The following COL4A1 variants were observed in gnomAD, a reference collection of about 807,000 sequenced individuals.
COL4A1 encodes collagen type IV alpha 1 chain.
COL4A1 carries 40 observed loss-of-function variants against 216.6 expected under a neutral mutation model. The ratio of observed to expected loss-of-function variants is 0.18; its 90% CI spans 0.14 to 0.24. The LOEUF (loss-of-function observed/expected upper bound fraction) is 0.24, where lower values mean the gene tolerates loss of function less well. COL4A1 is among the 10% of genes least tolerant of loss of function. The pLI is 1.00. For synonymous variants in COL4A1, 839 were observed against 810.7 expected (o/e 1.03, Z -0.59); for missense variants, 1,628 against 2,196.8 (o/e 0.74, Z 5.18).
intron 46 of COL4A1, among the ~76,000 whole-genome samples, 166 bp from the exon 47 acceptor site, chr13:110,163,727 T>C (rs1432651228): frequency 6.8e-6 from 1 of 147,394 alleles, no homozygotes; most frequent in Non-Finnish European, 1.5e-5. Flanking sequence ...CAAAGTCGAG[T>C]ACAGACTTTG....
intron 2 of COL4A1, among the ~76,000 whole-genome samples, chr13:110,239,374 G>A (rs1009701555): frequency 1.3e-5 from 2 of 152,150 alleles, no homozygotes; most frequent in African/African-American, 2.4e-5. Context: ...GTGTCAAAGT[G>A]CTCCTCAAAG....
At position 110,150,556 on chromosome 13, in the gene COL4A1, C is replaced by T. The variant is rs566494129; in HGVS notation, c.4929-112G>A. 1.7e-5 allele frequency: 18 copies of T among 1,080,514 alleles called. 1 individual carries two copies. In the East Asian group the frequency reaches 4.1e-4, roughly 25 times the overall value. 66.9% of individuals were successfully genotyped at this position (1,080,514 alleles called of 1,614,324 possible). On this transcript the variant is annotated intron_variant, in intron 51 of 51. Coordinates refer to ENST00000375820, the MANE Select transcript of COL4A1 (RefSeq NM_001845.6). ...AAGGGATCAGCCCAGCCCCTGGCAT[C>T]AGGCCTCAACCTGGTACCACCCAGT...
chr13:110,230,673 C>T (rs1306741596), intron 2 of COL4A1, among the ~76,000 whole-genome samples: 1 of 152,228 alleles, frequency 6.6e-6, no homozygotes, highest in African/African-American at 2.4e-5. Flanking sequence ...AAGAAGAAAA[C>T]ACCACTCTGC....
chr13:110,271,882 T>A (rs979494143), intron 1 of COL4A1, among the ~76,000 whole-genome samples: 7 of 152,254 alleles, frequency 4.6e-5, no homozygotes, highest in African/African-American at 1.4e-4. Flanking sequence ...TTTGGAACTT[T>A]TTTCTAAGTC....
At chr13:110,195,890 G>A (rs553347932) in intron 21 of COL4A1, among the ~76,000 whole-genome samples, 8 of 152,280 alleles carry the variant, frequency 5.3e-5, no homozygotes, top group Admixed American at 2.0e-4. Flanking sequence ...CCCTTACAGG[G>A]TCTTCACCTA....
chr13:110,229,401 T>A (rs1047155222), intron 2 of COL4A1, among the ~76,000 whole-genome samples: 3 of 152,202 alleles, frequency 2.0e-5, no homozygotes, highest in South Asian at 2.1e-4. Flanking sequence ...ACTTTAAATC[T>A]GAATGACTCG....
intron 33 of COL4A1, among the ~76,000 whole-genome samples, chr13:110,177,377 C>G (rs372287118): frequency 6.6e-6 from 1 of 152,136 alleles, no homozygotes; most frequent in Non-Finnish European, 1.5e-5. Flanking sequence ...AATAATAGAA[C>G]AGGAATTTTA....
chr13:110,158,824 C>T (rs1876926158), intron 49 of COL4A1, among the ~76,000 whole-genome samples: 1 of 150,672 alleles, frequency 6.6e-6, no homozygotes, highest in South Asian at 2.1e-4. Flanking sequence ...CTCACTGCAA[C>T]CTCCGCCTGC....
intron 21 of COL4A1, 124 bp from the exon 22 acceptor site, chr13:110,195,242 G>A (rs568964025): frequency 2.4e-6 from 2 of 819,008 alleles, no homozygotes; most frequent in East Asian, 5.3e-5. Flanking sequence ...TTCAGCTTTA[G>A]TTTGTTTCAA....
rs1238950491 is a variant in COL4A1 at position 110,169,614 on chromosome 13, A to T, written c.3876+15T>A. The T allele has an allele frequency of 6.2e-7, 1 of 1,613,836 alleles. No individual in the cohort carries two copies. Reference sequence around the variant, plus strand: ...GACTCCTTTAAAAATAAAAATCTACAAATCAATAACTCACAGGCATGCCCT... The same window carrying T: ...GACTCCTTTAAAAATAAAAATCTACTAATCAATAACTCACAGGCATGCCCT... On this transcript the variant is annotated intron_variant, in intron 43 of 51. Transcript: ENST00000375820.
At chr13:110,254,415 C>T (rs943225338) in intron 1 of COL4A1, among the ~76,000 whole-genome samples, 4 of 152,138 alleles carry the variant, frequency 2.6e-5, no homozygotes, top group Admixed American at 6.5e-5. Flanking sequence ...AGCACAGAAG[C>T]GGGAGGGTGG....
intron 49 of COL4A1, among the ~76,000 whole-genome samples, chr13:110,157,411 C>T (rs766676658): frequency 3.3e-5 from 5 of 152,206 alleles, no homozygotes; most frequent in Admixed American, 6.5e-5. Flanking sequence ...ATTTAGCTTT[C>T]GGACCTCCCT....
chr13:110,305,198 C>T (rs1447323255), intron 1 of COL4A1, among the ~76,000 whole-genome samples: 1 of 152,152 alleles, frequency 6.6e-6, no homozygotes, highest in African/African-American at 2.4e-5. Context: ...CAGAAGTGCC[C>T]ACAGGCTGCA....
chr13:110,247,794 T>TGTGTGTGTGTG (rs1881888917), intron 1 of COL4A1, among the ~76,000 whole-genome samples: 1 of 70,338 alleles, frequency 1.4e-5, no homozygotes, highest in Non-Finnish European at 3.4e-5. Flanking sequence ...GCTACTCGTG[T>TGTGTGTGTGTG]GTGTGTGTGT....
intron 1 of COL4A1, among the ~76,000 whole-genome samples, chr13:110,248,391 G>T (rs1239717151): frequency 6.6e-6 from 1 of 151,312 alleles, no homozygotes; most frequent in African/African-American, 2.4e-5. Context: ...CCTGGCCCCG[G>T]CTCCTTCCCC....
chr13:110,166,069 C>T (rs1265855864), intron 45 of COL4A1, among the ~76,000 whole-genome samples, 163 bp downstream of exon 45: 2 of 152,194 alleles, frequency 1.3e-5, no homozygotes. Context: ...ATGTCAACTA[C>T]AGGAATCTTG....
intron 48 of COL4A1, chr13:110,161,817 C>A (rs903697816): frequency 1.5e-5 from 5 of 323,072 alleles, no homozygotes; most frequent in African/African-American, 4.3e-5. Context: ...ACTAGAGGAG[C>A]AGAGCTCAGC....
intron 1 of COL4A1, among the ~76,000 whole-genome samples, chr13:110,301,728 C>T (rs761793693): frequency 6.6e-6 from 1 of 152,074 alleles, no homozygotes; most frequent in East Asian, 1.9e-4. Context: ...CACTGCAGGC[C>T]GGGGAGCAGG....
intron 1 of COL4A1, among the ~76,000 whole-genome samples, chr13:110,243,599 A>T (rs1473317184): frequency 6.6e-6 from 1 of 152,220 alleles, no homozygotes; most frequent in East Asian, 1.9e-4. Context: ...GATTATAGGC[A>T]TGAGACACTG....
Sources: gnomAD v4.1 joint callset for allele counts (sites outside exome capture counted in the v4.1 genomes callset) on GRCh38, gnomAD v4.1.1 for gene constraint, MANE v1.5 for transcripts, NCBI Gene and HGNC (gene_info 2026-07-23, HGNC 2026-07-21) for gene names.